SSH2: variants seen among roughly 807,000 people sequenced by gnomAD.
The protein encoded by SSH2 is protein phosphatase Slingshot homolog 2.
A neutral mutation model predicts 135.2 loss-of-function variants in SSH2; 37 were observed. The observed-to-expected ratio is 0.27, with a 90% confidence interval of 0.21 to 0.36. The LOEUF is 0.36. Ranked by LOEUF, SSH2 falls within the 10% of genes least tolerant of loss-of-function variation. SSH2 has a pLI of 1.00. For synonymous variants in SSH2, 628 were observed against 646.2 expected, an observed-to-expected ratio of 0.97 and a Z score of 0.43; for missense variants, 1,408 against 1,765.3, an observed-to-expected ratio of 0.80 and a Z score of 3.63.
chr17:29,766,020 CAAAAAAA>C (rs56037567), intron 3 of SSH2, among the ~76,000 whole-genome samples: 1 of 100,626 alleles, frequency 9.9e-6, no homozygotes, highest in African/African-American at 3.7e-5. Context: ...ACTCCGTCTC[CAAAAAAA>C]AAAAAAAAAA....
At chr17:29,652,291 C>T (rs1193263278) in intron 12 of SSH2, among the ~76,000 whole-genome samples, 1 of 152,072 alleles carries the variant, frequency 6.6e-6, no homozygotes, top group African/African-American at 2.4e-5. Flanking sequence ...AAAACTTGTA[C>T]ACAAATGGTC....
chr17:29,903,853 G>C (rs1352101409), intron 1 of SSH2, among the ~76,000 whole-genome samples: 1 of 152,126 alleles, frequency 6.6e-6, no homozygotes, highest in African/African-American at 2.4e-5. Flanking sequence ...AGAATTGAAG[G>C]CGATGCCAGA....
At chr17:29,839,927 G>C (rs763876594) in intron 2 of SSH2, among the ~76,000 whole-genome samples, 1 of 152,088 alleles carries the variant, frequency 6.6e-6, no homozygotes, top group Non-Finnish European at 1.5e-5. Flanking sequence ...TTTAAACAGG[G>C]ACTACTAAAA....
At chr17:29,894,746 G>A (rs926751754) in intron 1 of SSH2, among the ~76,000 whole-genome samples, 1 of 151,764 alleles carries the variant, frequency 6.6e-6, no homozygotes, top group African/African-American at 2.4e-5. Context: ...TTACCTCAGG[G>A]TATGGAACCA....
chr17:29,699,872 G>A (rs1348552528), intron 4 of SSH2, among the ~76,000 whole-genome samples: 2 of 152,196 alleles, frequency 1.3e-5, no homozygotes, highest in Non-Finnish European at 2.9e-5. Flanking sequence ...TGGGCACTGG[G>A]GAGGAAGGTT....
At chr17:29,740,991 G>C (rs938031045) in intron 3 of SSH2, among the ~76,000 whole-genome samples, 25 of 151,906 alleles carry the variant, frequency 1.6e-4, no homozygotes, top group African/African-American at 6.1e-4. Flanking sequence ...AAACTCTCTG[G>C]GATAATTAGT....
intron 2 of SSH2, among the ~76,000 whole-genome samples, chr17:29,848,015 C>T (rs1191732578): frequency 6.6e-6 from 1 of 152,152 alleles, no homozygotes; most frequent in Non-Finnish European, 1.5e-5. Flanking sequence ...CCACAAGGAG[C>T]AGTACTGTTC....
chr17:29,879,137 G>A (rs1451604798), intron 1 of SSH2, among the ~76,000 whole-genome samples: 1 of 152,080 alleles, frequency 6.6e-6, no homozygotes, highest in African/African-American at 2.4e-5. Context: ...GAAATATGAT[G>A]ACCATATTTT....
At chr17:29,796,987 CTTTATT>C (rs1348109205) in intron 2 of SSH2, among the ~76,000 whole-genome samples, 1 of 151,814 alleles carries the variant, frequency 6.6e-6, no homozygotes, top group East Asian at 1.9e-4. Context: ...TAATTTTGTT[CTTTATT>C]TTTAAGTTTT....
chr17:29,781,486 T>C (rs1015141066), intron 3 of SSH2, among the ~76,000 whole-genome samples: 9 of 142,862 alleles, frequency 6.3e-5, no homozygotes, highest in African/African-American at 2.1e-4. Context: ...TTTTTTTTTT[T>C]TTTTTTTTTT....
chr17:29,706,020 A>G (rs1385886635), intron 3 of SSH2, among the ~76,000 whole-genome samples: 1 of 152,212 alleles, frequency 6.6e-6, no homozygotes, highest in East Asian at 1.9e-4. Context: ...AGCACTGGAA[A>G]TAGTCTAAGG....
intron 3 of SSH2, among the ~76,000 whole-genome samples, chr17:29,733,889 T>C (rs1487652675): frequency 6.6e-6 from 1 of 151,828 alleles, no homozygotes; most frequent in East Asian, 1.9e-4. Context: ...GTTTCTCCTT[T>C]ACAGGGTGTT....
chr17:29,697,614 T>C (rs2151110960), intron 4 of SSH2, among the ~76,000 whole-genome samples: 1 of 152,244 alleles, frequency 6.6e-6, no homozygotes, highest in Non-Finnish European at 1.5e-5. Flanking sequence ...CACTCCAGCC[T>C]GGGTGACAGA....
chr17:29,808,506 T>C (rs1027891624), intron 2 of SSH2, among the ~76,000 whole-genome samples: 2 of 152,192 alleles, frequency 1.3e-5, no homozygotes, highest in African/African-American at 4.8e-5. Flanking sequence ...CAGCCACATG[T>C]GCTTATATGT....
intron 14 of SSH2, among the ~76,000 whole-genome samples, chr17:29,646,399 C>T (rs144165993): frequency 7.9e-4 from 121 of 152,236 alleles, no homozygotes; most frequent in Middle Eastern, 3.4e-3. Context: ...AGAGTAAAAC[C>T]TTGAGAAACT....
At chr17:29,847,317 G>T (rs1202883436) in intron 2 of SSH2, among the ~76,000 whole-genome samples, 1 of 152,184 alleles carries the variant, frequency 6.6e-6, no homozygotes, top group African/African-American at 2.4e-5. Flanking sequence ...TCAACTTAGA[G>T]CCAGTGAGAA....
chr17:29,878,885 A>T (rs2066084876), intron 1 of SSH2, among the ~76,000 whole-genome samples: 7 of 152,224 alleles, frequency 4.6e-5, no homozygotes, highest in Admixed American at 4.6e-4. Context: ...AAACAAGCTC[A>T]AAGCAGCAAA....
At chr17:29,651,462 T>C (rs373950566) in intron 12 of SSH2, among the ~76,000 whole-genome samples, 3 of 152,362 alleles carry the variant, frequency 2.0e-5, no homozygotes, top group East Asian at 3.9e-4. Flanking sequence ...CTAAGATGCT[T>C]GCAGAAGAGA....
At chr17:29,833,741 C>A (rs1242928827) in intron 2 of SSH2, among the ~76,000 whole-genome samples, 13 of 92,804 alleles carry the variant, frequency 1.4e-4, no homozygotes, top group Middle Eastern at 0.013. Flanking sequence ...CTACTTCCCT[C>A]CCTTCCTTCT....
Sources: gnomAD v4.1 joint callset for allele counts (sites outside exome capture counted in the v4.1 genomes callset) on GRCh38, gnomAD v4.1.1 for gene constraint, MANE v1.5 for transcripts, NCBI Gene and HGNC (gene_info 2026-07-23, HGNC 2026-07-21) for gene names.